Variants in FAM81A observed in about 807,000 individuals in gnomAD.
FAM81A encodes family with sequence similarity 81 member A.
A neutral mutation model predicts 46.7 loss-of-function variants in FAM81A; 19 were observed. That is an observed-to-expected ratio of 0.41 (90% CI 0.28 to 0.60). The LOEUF (loss-of-function observed/expected upper bound fraction) is 0.60, where lower values mean the gene tolerates loss of function less well. Among genes scored for constraint, FAM81A ranks in the 20% least tolerant of loss-of-function variants. The pLI is 0.34. For missense variants in FAM81A, 377 were observed against 453.5 expected, an observed-to-expected ratio of 0.83 and a Z score of 1.53; for synonymous variants, 183 against 152.9, an observed-to-expected ratio of 1.20 and a Z score of -1.45.
At chr15:59,425,982 C>T (rs1212810469) in intron 2 of FAM81A, among the ~76,000 whole-genome samples, 1 of 152,098 alleles carries the variant, frequency 6.6e-6, no homozygotes, top group Non-Finnish European at 1.5e-5. Flanking sequence ...TTTGTTTGGT[C>T]AGAAAGTTAT....
intron 2 of FAM81A, among the ~76,000 whole-genome samples, chr15:59,416,972 C>T (rs2081149303): frequency 6.6e-6 from 1 of 151,964 alleles, no homozygotes; most frequent in South Asian, 2.1e-4. Flanking sequence ...CCAAAGAGTC[C>T]CCATCCTAGA....
At chr15:59,461,513 G>A (rs192590131) in intron 3 of FAM81A, among the ~76,000 whole-genome samples, 72 of 152,102 alleles carry the variant, frequency 4.7e-4, no homozygotes, top group Non-Finnish European at 8.4e-4. Context: ...TAGAGACATC[G>A]TCTCACTATG....
At chr15:59,398,596 C>CAAAA (rs3053045) in intron 1 of FAM81A, among the ~76,000 whole-genome samples, 15 of 149,708 alleles carry the variant, frequency 1.0e-4, no homozygotes, top group Non-Finnish European at 4.5e-5. Flanking sequence ...CAGTCTCTAT[C>CAAAA]AAAAAAAGAA....
intron 2 of FAM81A, among the ~76,000 whole-genome samples, chr15:59,420,025 G>A (rs2081164057): frequency 6.6e-6 from 1 of 152,128 alleles, no homozygotes; most frequent in African/African-American, 2.4e-5. Context: ...TGGACTCAGA[G>A]CCAATGCCTC....
intron 1 of FAM81A, among the ~76,000 whole-genome samples, chr15:59,449,122 C>A (rs1478861282): frequency 6.6e-6 from 1 of 152,120 alleles, no homozygotes; most frequent in African/African-American, 2.4e-5. Flanking sequence ...GTAGAGATTT[C>A]ATGGAGATTA....
At chr15:59,432,713 G>A (rs1029535479) in intron 2 of FAM81A, among the ~76,000 whole-genome samples, 1 of 152,164 alleles carries the variant, frequency 6.6e-6, no homozygotes. Flanking sequence ...ATTTAGCACA[G>A]GGTCTGACAT....
chr15:59,409,731 A>G (rs1190148339), intron 2 of FAM81A, among the ~76,000 whole-genome samples: 1 of 152,174 alleles, frequency 6.6e-6, no homozygotes, highest in Non-Finnish European at 1.5e-5. Flanking sequence ...TTTATTAACC[A>G]TGCACTATAT....
intron 2 of FAM81A, among the ~76,000 whole-genome samples, chr15:59,417,501 T>G (rs191522410): frequency 3.3e-5 from 5 of 151,254 alleles, no homozygotes; most frequent in African/African-American, 1.2e-4. Flanking sequence ...AGGTCAGGAG[T>G]TCGAGACCAG....
chr15:59,484,517 C>T (rs1428471499), intron 3 of FAM81A, among the ~76,000 whole-genome samples: 2 of 152,160 alleles, frequency 1.3e-5, no homozygotes, highest in African/African-American at 2.4e-5. Context: ...TCCCTGTCAG[C>T]GGACCACATG....
chr15:59,510,642 G>C (rs1358397100), intron 6 of FAM81A, among the ~76,000 whole-genome samples: 1 of 151,618 alleles, frequency 6.6e-6, no homozygotes, highest in Non-Finnish European at 1.5e-5. Flanking sequence ...GCTGGATATG[G>C]TTGTGCATGC....
At chr15:59,423,120 C>T (rs191561402) in intron 2 of FAM81A, among the ~76,000 whole-genome samples, 134 of 151,992 alleles carry the variant, frequency 8.8e-4, no homozygotes, top group African/African-American at 3.1e-3. Flanking sequence ...CTTTTTAAGA[C>T]GGAGTCTCGC....
intron 2 of FAM81A, among the ~76,000 whole-genome samples, chr15:59,409,271 C>A (rs1035665959): frequency 6.6e-6 from 1 of 152,186 alleles, no homozygotes; most frequent in East Asian, 1.9e-4. Flanking sequence ...TCCGGACTCT[C>A]CATTATGCCC....
chr15:59,457,697 A>G (rs576256360), intron 1 of FAM81A, among the ~76,000 whole-genome samples: 1 of 152,324 alleles, frequency 6.6e-6, no homozygotes, highest in South Asian at 2.1e-4. Context: ...AGAAAATGAA[A>G]TGTGCACATT....
At chr15:59,402,697 A>G (rs2081076810) in intron 2 of FAM81A, among the ~76,000 whole-genome samples, 1 of 120,348 alleles carries the variant, frequency 8.3e-6, no homozygotes, top group Non-Finnish European at 1.6e-5. Context: ...TGTCCCAACA[A>G]GCCTGGATAT....
chr15:59,422,302 C>T (rs1394042150), intron 2 of FAM81A, among the ~76,000 whole-genome samples: 1 of 152,028 alleles, frequency 6.6e-6, no homozygotes, highest in Non-Finnish European at 1.5e-5. Flanking sequence ...ATTAGGGTAT[C>T]ACTTGAGCCC....
chr15:59,515,645 A>G (rs575426048), intron 7 of FAM81A, among the ~76,000 whole-genome samples: 1 of 152,288 alleles, frequency 6.6e-6, no homozygotes, highest in East Asian at 1.9e-4. Flanking sequence ...ATGATTTTAT[A>G]TATATTTAAA....
At chr15:59,489,164 C>T (rs2081953832) in intron 3 of FAM81A, among the ~76,000 whole-genome samples, 1 of 151,894 alleles carries the variant, frequency 6.6e-6, no homozygotes, top group Non-Finnish European at 1.5e-5. Flanking sequence ...ACTCGGGAGG[C>T]TGAGGCAGGA....
At chr15:59,406,746 C>T (rs1349098723) in intron 2 of FAM81A, among the ~76,000 whole-genome samples, 14 of 152,078 alleles carry the variant, frequency 9.2e-5, no homozygotes, top group African/African-American at 1.9e-4. Flanking sequence ...TCATCCTGCA[C>T]GATCTTTTAC....
intron 2 of FAM81A, among the ~76,000 whole-genome samples, chr15:59,411,051 A>G (rs1399566805): frequency 1.3e-5 from 2 of 152,200 alleles, no homozygotes; most frequent in African/African-American, 4.8e-5. Flanking sequence ...CGCCAGGCCC[A>G]GATGTTTCTT....
Sources: gnomAD v4.1 joint callset for allele counts (sites outside exome capture counted in the v4.1 genomes callset) on GRCh38, gnomAD v4.1.1 for gene constraint, MANE v1.5 for transcripts, NCBI Gene and HGNC (gene_info 2026-07-23, HGNC 2026-07-21) for gene names.